The following TMX4 variants were observed in gnomAD, a reference collection of about 807,000 sequenced individuals.
TMX4 encodes the protein thioredoxin related transmembrane protein 4.
In TMX4, 23 loss-of-function variants were observed where a neutral mutation model predicts 33.3. That is an observed-to-expected ratio of 0.69 (90% confidence interval 0.50 to 0.98). The LOEUF is 0.98. Among genes scored for constraint, TMX4 ranks in the 50% least tolerant of loss-of-function variants. TMX4 has a pLI of 0.00. For synonymous variants in TMX4, 164 were observed against 161.5 expected (o/e 1.02, Z -0.12); for missense variants, 399 against 448.9 (o/e 0.89, Z 1.01).
rs1449015065 is a variant in TMX4 at position 8,001,493 on chromosome 20, T to C, written c.338+3A>G. 2 of 1,592,736 alleles carry C rather than the reference T, an allele frequency of 1.3e-6. No individual in the cohort carries two copies. The highest frequency in any genetic ancestry group is 2.7e-5 in the African/African-American group (2 of 74,288). On this transcript the variant is annotated splice_donor_region_variant and intron_variant, in intron 3 of 7. Transcript: ENST00000246024. Reference sequence around the variant, plus strand: ...GCAAGATTAGAAGATTATTTAAACTTACTGAAAAAATGCTGGGAGAGTGGT... The same window carrying C: ...GCAAGATTAGAAGATTATTTAAACTCACTGAAAAAATGCTGGGAGAGTGGT...
chr20:7,984,757 A>T (rs2050623320), intron 6 of TMX4, among the ~76,000 whole-genome samples: 1 of 151,636 alleles, frequency 6.6e-6, no homozygotes. Flanking sequence ...AATTTATCCT[A>T]CTCTTCTATT....
intron 1 of TMX4, among the ~76,000 whole-genome samples, chr20:8,011,304 T>G (rs907611529): frequency 2.6e-5 from 4 of 151,842 alleles, no homozygotes; most frequent in African/African-American, 9.7e-5. Context: ...GCCAATAGAA[T>G]ATAACACTCA....
In TMX4 at chr20:8,019,757, T is replaced by C; in HGVS notation, c.-144A>G. 1 of 646,260 alleles carries C rather than the reference T, an allele frequency of 1.5e-6. No homozygotes were observed. Among genetic ancestry groups the C allele is most frequent in the East Asian group, 3.6e-5 (1 of 27,884 alleles). The allele number at this position is 646,260 out of a possible 1,614,324, so 40.0% of individuals were successfully genotyped here. ...TACGCCTAGCGGCGCAGACTGGCGG[T>C]GCTCGCAATGCCGCGGAGGACGCCA... On this transcript the variant is annotated 5_prime_UTR_variant, in exon 1 of 8. Transcript: ENST00000246024.
intron 4 of TMX4, 147 bp downstream of exon 4, chr20:7,999,585 T>C (rs2050693855): frequency 2.3e-6 from 2 of 878,272 alleles, no homozygotes; most frequent in South Asian, 4.3e-5. Flanking sequence ...AAATCAGAAA[T>C]ACTGCATGGG....
At chr20:7,993,874 C>T (rs2050665328) in intron 5 of TMX4, among the ~76,000 whole-genome samples, 1 of 151,986 alleles carries the variant, frequency 6.6e-6, no homozygotes, top group Non-Finnish European at 1.5e-5. Context: ...CATACACACA[C>T]CCTACAATCA....
intron 1 of TMX4, among the ~76,000 whole-genome samples, chr20:8,016,870 G>T (rs1213878541): frequency 2.0e-5 from 3 of 152,160 alleles, no homozygotes; most frequent in African/African-American, 7.2e-5. Flanking sequence ...CTTTAAAGAA[G>T]TTAACTACAA....
chr20:7,978,149 C>T lies in TMX4; in HGVS notation c.*4102G>A, dbSNP rs888233671. The stretch of plus-strand genomic sequence containing the variant: ...TGGTACATTTGACAGGATGGGTCAA[C>T]CACATATTCATAATACTGACAGAAA... On this transcript the variant is annotated 3_prime_UTR_variant, in exon 8 of 8. Transcript: ENST00000246024. 2.6e-5 allele frequency: 4 copies of T among 152,132 alleles called. No homozygotes were observed. The highest frequency in any genetic ancestry group is 2.9e-5 in the Non-Finnish European group (2 of 68,018). 9.4% of individuals were successfully genotyped at this position (152,132 alleles called of 1,614,324 possible).
chr20:8,017,613 C>A (rs538737205), intron 1 of TMX4, among the ~76,000 whole-genome samples: 4 of 152,096 alleles, frequency 2.6e-5, no homozygotes, highest in Admixed American at 2.0e-4. Context: ...AATGAGGAGG[C>A]CTTTCTGTTT....
chr20:8,010,999 C>T (rs1449867416), intron 1 of TMX4, among the ~76,000 whole-genome samples: 1 of 152,084 alleles, frequency 6.6e-6, no homozygotes, highest in Non-Finnish European at 1.5e-5. Flanking sequence ...GGTGCCTCCT[C>T]TCCTTGTGGA....
At chr20:8,012,162 A>G (rs921339789) in intron 1 of TMX4, among the ~76,000 whole-genome samples, 3 of 152,148 alleles carry the variant, frequency 2.0e-5, no homozygotes, top group African/African-American at 7.2e-5. Context: ...ATGATGTTGG[A>G]TAAGAGTTCT....
At chr20:7,983,552 TTAATGAAGAGCACATA>T (rs2050618130) in intron 7 of TMX4, among the ~76,000 whole-genome samples, 2 of 152,150 alleles carry the variant, frequency 1.3e-5, no homozygotes, top group Non-Finnish European at 2.9e-5. Flanking sequence ...ATGACACTGA[TTAATGAAGAGCACATA>T]CTTAAAAAGA....
At chr20:8,009,051 C>T (rs2050741797) in intron 2 of TMX4, among the ~76,000 whole-genome samples, 1 of 151,930 alleles carries the variant, frequency 6.6e-6, no homozygotes, top group African/African-American at 2.4e-5. Context: ...ACTTCTATAC[C>T]CATCTTCTTT....
At chr20:8,015,234 T>A (rs1234120260) in intron 1 of TMX4, among the ~76,000 whole-genome samples, 1 of 152,188 alleles carries the variant, frequency 6.6e-6, no homozygotes, top group Non-Finnish European at 1.5e-5. Flanking sequence ...AAATCAAACA[T>A]TCGCATGTTT....
intron 4 of TMX4, among the ~76,000 whole-genome samples, chr20:7,997,940 A>G (rs1390872729): frequency 6.6e-6 from 1 of 152,150 alleles, no homozygotes; most frequent in Admixed American, 6.5e-5. Flanking sequence ...CTTGATAATG[A>G]GTGATCTCTC....
intron 1 of TMX4, 156 bp downstream of exon 1, chr20:8,019,282 C>T (rs989838354): frequency 6.8e-6 from 6 of 878,406 alleles, no homozygotes; most frequent in Non-Finnish European, 9.7e-6. Context: ...GGATCGCAAG[C>T]GGCCCGGCAC....
intron 2 of TMX4, among the ~76,000 whole-genome samples, chr20:8,005,308 C>G (rs2050724202): frequency 6.6e-6 from 1 of 152,204 alleles, no homozygotes; most frequent in Admixed American, 6.5e-5. Flanking sequence ...CCAAAGTCAA[C>G]TCAACTGACA....
At chr20:7,984,099 T>C (rs539157423) in intron 6 of TMX4, among the ~76,000 whole-genome samples, 1 of 152,192 alleles carries the variant, frequency 6.6e-6, no homozygotes, top group Non-Finnish European at 1.5e-5. Context: ...GAACCCACTA[T>C]AAATAGATGA....
chr20:8,007,857 A>G (rs953491937), intron 2 of TMX4, among the ~76,000 whole-genome samples: 2 of 152,148 alleles, frequency 1.3e-5, no homozygotes, highest in African/African-American at 2.4e-5. Context: ...CATTTTGTAC[A>G]TTTTTATCCT....
At chr20:7,986,687 T>C (rs1485019667) in intron 6 of TMX4, among the ~76,000 whole-genome samples, 1 of 152,188 alleles carries the variant, frequency 6.6e-6, no homozygotes, top group Non-Finnish European at 1.5e-5. Flanking sequence ...TGTAGTTAGA[T>C]AAATAAATTT....
Sources: allele counts gnomAD v4.1 joint callset (sites outside exome capture counted in the v4.1 genomes callset), GRCh38; gene constraint gnomAD v4.1.1; transcripts MANE v1.5; gene names NCBI Gene and HGNC (gene_info 2026-07-23, HGNC 2026-07-21).